The following TNFSF4 variants were observed in gnomAD, a reference collection of about 807,000 sequenced individuals.
TNFSF4 encodes the protein tumor necrosis factor ligand superfamily member 4.
TNFSF4 carries 4 observed loss-of-function variants against 7.3 expected under a neutral mutation model. The ratio of observed to expected loss-of-function variants is 0.55; its 90% CI spans 0.27 to 1.25. TNFSF4 has a LOEUF of 1.25. Ranked by LOEUF, TNFSF4 falls within the 50% of genes most tolerant of loss-of-function variation. The pLI is 0.12. For missense variants in TNFSF4, 181 were observed against 208.8 expected (o/e 0.87, Z 0.82); for synonymous variants, 76 against 83.7 (o/e 0.91, Z 0.50).
the TNFSF4 span, among the ~76,000 whole-genome samples, chr1:173,175,839 T>A: frequency 6.6e-6 from 1 of 152,226 alleles, no homozygotes; most frequent in African/African-American, 2.4e-5. Flanking sequence ...GGTTTATTCC[T>A]CTTCCAGAAA....
chr1:173,286,842 T>A, the TNFSF4 span, among the ~76,000 whole-genome samples: 1 of 152,004 alleles, frequency 6.6e-6, no homozygotes, highest in Admixed American at 6.6e-5. Context: ...TACGTACATC[T>A]AACAAAGAAT....
the TNFSF4 span, among the ~76,000 whole-genome samples, chr1:173,382,937 C>T: frequency 2.0e-5 from 3 of 151,964 alleles, no homozygotes; most frequent in African/African-American, 7.3e-5. Context: ...AAGAAGTGAG[C>T]AGCTGAAATT....
chr1:173,247,642 T>C, the TNFSF4 span, among the ~76,000 whole-genome samples: 2 of 152,208 alleles, frequency 1.3e-5, no homozygotes, highest in African/African-American at 2.4e-5. Flanking sequence ...TTTTTGTTTT[T>C]TAAAATCATC....
At chr1:173,243,330 T>C in the TNFSF4 span, among the ~76,000 whole-genome samples, 1 of 152,120 alleles carries the variant, frequency 6.6e-6, no homozygotes, top group East Asian at 1.9e-4. Context: ...TCATCCCCCT[T>C]ATCCCAACCA....
At chr1:173,216,929 A>G in the TNFSF4 span, among the ~76,000 whole-genome samples, 1 of 152,028 alleles carries the variant, frequency 6.6e-6, no homozygotes, top group Non-Finnish European at 1.5e-5. Flanking sequence ...CCCTGGTTAT[A>G]TTTGGAAGAG....
chr1:173,264,515 T>C, the TNFSF4 span, among the ~76,000 whole-genome samples: 4 of 152,152 alleles, frequency 2.6e-5, no homozygotes, highest in African/African-American at 9.7e-5. Context: ...AACTAAATCT[T>C]ACATTCAAGT....
At chr1:173,234,978 T>C in the TNFSF4 span, among the ~76,000 whole-genome samples, 4 of 152,082 alleles carry the variant, frequency 2.6e-5, no homozygotes, top group Admixed American at 2.6e-4. Context: ...AGCTAAGATC[T>C]ATATCTTGCA....
chr1:173,419,066 GCT>G, the TNFSF4 span, among the ~76,000 whole-genome samples: 3 of 152,234 alleles, frequency 2.0e-5, no homozygotes, highest in African/African-American at 4.8e-5. Flanking sequence ...CTGGCCGGGT[GCT>G]GTGGCTCACG....
At chr1:173,299,911 A>G in the TNFSF4 span, among the ~76,000 whole-genome samples, 4 of 151,818 alleles carry the variant, frequency 2.6e-5, no homozygotes, top group African/African-American at 9.7e-5. Context: ...GGGGCTCATC[A>G]ACTAAAGATT....
At chr1:173,391,352 T>C in the TNFSF4 span, among the ~76,000 whole-genome samples, 1 of 139,890 alleles carries the variant, frequency 7.1e-6, no homozygotes, top group African/African-American at 2.7e-5. Flanking sequence ...AGATTAGCTC[T>C]CTCTGATTAT....
chr1:173,181,266 C>G (rs959525175), downstream of TNFSF4, among the ~76,000 whole-genome samples: 1 of 152,108 alleles, frequency 6.6e-6, no homozygotes, highest in Non-Finnish European at 1.5e-5. Flanking sequence ...CTGTTAATTA[C>G]TTTTGTATTT....
the TNFSF4 span, among the ~76,000 whole-genome samples, chr1:173,365,295 AT>A: frequency 6.6e-6 from 1 of 152,216 alleles, no homozygotes; most frequent in East Asian, 1.9e-4. Context: ...TTTAACAAGA[AT>A]TTTGTAATAT....
upstream of TNFSF4, among the ~76,000 whole-genome samples, chr1:173,210,726 A>AGG (rs78860346): frequency 4.0e-5 from 6 of 151,302 alleles, no homozygotes; most frequent in East Asian, 5.8e-4. Context: ...AAATAATTCT[A>AGG]GGGGGGGGAA....
chr1:173,382,874 TCACACACA>T, the TNFSF4 span, among the ~76,000 whole-genome samples: 8 of 91,278 alleles, frequency 8.8e-5, no homozygotes, highest in South Asian at 7.4e-4. Context: ...TTTACTGTTT[TCACACACA>T]CACACACACA....
the TNFSF4 span, among the ~76,000 whole-genome samples, chr1:173,252,856 T>A: frequency 6.6e-6 from 1 of 152,214 alleles, no homozygotes; most frequent in African/African-American, 2.4e-5. Context: ...GTGAAAATTA[T>A]ACTTACGATG....
chr1:173,440,881 T>C, the TNFSF4 span: 2 of 152,232 alleles, frequency 1.3e-5, no homozygotes, highest in African/African-American at 4.8e-5. Context: ...ATACAGGCTA[T>C]ACATATTAAT....
chr1:173,393,643 G>A, the TNFSF4 span, among the ~76,000 whole-genome samples: 2 of 152,286 alleles, frequency 1.3e-5, no homozygotes, highest in East Asian at 3.9e-4. Context: ...GCATTTCTTA[G>A]AATTCATCCA....
At chr1:173,382,065 G>A in the TNFSF4 span, among the ~76,000 whole-genome samples, 1 of 152,146 alleles carries the variant, frequency 6.6e-6, no homozygotes, top group African/African-American at 2.4e-5. Flanking sequence ...CACTGTGGAA[G>A]TTTTGTTCTT....
chr1:173,298,537 T>C, the TNFSF4 span, among the ~76,000 whole-genome samples: 2 of 151,904 alleles, frequency 1.3e-5, no homozygotes, highest in African/African-American at 2.4e-5. Context: ...TTTTTTGGAA[T>C]CTCCTGCCTC....
Sources: gnomAD v4.1 joint callset for allele counts (sites outside exome capture counted in the v4.1 genomes callset) on GRCh38, gnomAD v4.1.1 for gene constraint, MANE v1.5 for transcripts, NCBI Gene and HGNC (gene_info 2026-07-23, HGNC 2026-07-21) for gene names.